Variants in NHSL1 observed in about 807,000 individuals in gnomAD.
NHSL1 encodes the protein NHS like 1.
A neutral mutation model predicts 95.0 loss-of-function variants in NHSL1; 48 were observed. That is an observed-to-expected ratio of 0.51 (90% confidence interval 0.40 to 0.64). The LOEUF (loss-of-function observed/expected upper bound fraction) is 0.64. NHSL1 is among the 30% of genes least tolerant of loss of function. The pLI is 0.00. For missense variants in NHSL1, 1,971 were observed against 2,077.7 expected, an observed-to-expected ratio of 0.95 and a Z score of 1.00; for synonymous variants, 783 against 833.9, an observed-to-expected ratio of 0.94 and a Z score of 1.05.
At position 138,687,308 on chromosome 6, in the gene NHSL1, G is replaced by C. The variant is rs1300093048; in HGVS notation, c.96+5168C>G. Among the ~76,000 whole-genome samples, 4 of 151,910 alleles carry C rather than the reference G, an allele frequency of 2.6e-5. No homozygotes were observed. In the East Asian group the frequency reaches 7.7e-4, roughly 29 times the overall value. On this transcript the variant is annotated intron_variant, in intron 1 of 3. Coordinates refer to the NHSL1 transcript ENST00000491526. ...AAAAAAAAAAGAAGAAGAAGACGAA[G>C]TGCAGTGAACACTCTGTCTTTAGAA...
At chr6:138,502,049 T>C (rs1780710449), upstream of NHSL1, among the ~76,000 whole-genome samples, 1 of 152,222 alleles carries the variant, frequency 6.6e-6, no homozygotes, top group South Asian at 2.1e-4. Flanking sequence ...CCAACTGTAC[T>C]TGGTTACACA....
intron 4 of NHSL1, among the ~76,000 whole-genome samples, chr6:138,444,791 A>C (rs1776755975): frequency 6.6e-6 from 1 of 152,184 alleles, no homozygotes; most frequent in Non-Finnish European, 1.5e-5. Flanking sequence ...TTTTAAATTT[A>C]TTGCTTCTTT....
intron 1 of NHSL1, among the ~76,000 whole-genome samples, chr6:138,583,748 C>T (rs894976208): frequency 8.5e-5 from 13 of 152,146 alleles, no homozygotes; most frequent in Admixed American, 6.5e-5. Flanking sequence ...CTTTGATATT[C>T]CCCCACATAA....
At chr6:138,688,193 C>A (rs898695276) in intron 1 of NHSL1, among the ~76,000 whole-genome samples, 9 of 152,068 alleles carry the variant, frequency 5.9e-5, no homozygotes, top group Non-Finnish European at 1.2e-4. Context: ...CTCAAGTGAT[C>A]GGCCCACCTT....
chr6:138,463,363 G>A (rs78268808), intron 3 of NHSL1, among the ~76,000 whole-genome samples: 1 of 152,044 alleles, frequency 6.6e-6, no homozygotes, highest in African/African-American at 2.4e-5. Flanking sequence ...TAGGTCCTAT[G>A]TGATCTGGTC....
intron 1 of NHSL1, among the ~76,000 whole-genome samples, chr6:138,595,906 T>C (rs1784297188): frequency 6.6e-6 from 1 of 151,920 alleles, no homozygotes. Context: ...GACTCCAACA[T>C]GGCCCGACTT....
At chr6:138,429,607 T>C in intron 7 of NHSL1, 104 bp downstream of exon 7, 1 of 1,035,284 alleles carries the variant, frequency 9.7e-7, no homozygotes, top group Non-Finnish European at 1.4e-6. Flanking sequence ...GGAGTTATGA[T>C]TGGGTGACAG....
intron 1 of NHSL1, among the ~76,000 whole-genome samples, chr6:138,625,544 T>G (rs1784725052): frequency 6.6e-6 from 1 of 151,882 alleles, no homozygotes; most frequent in South Asian, 2.1e-4. Flanking sequence ...TCCTAGACAG[T>G]AGCAATTTTA....
At chr6:138,478,811 CT>C (rs2128256150) in intron 2 of NHSL1, among the ~76,000 whole-genome samples, 1 of 152,304 alleles carries the variant, frequency 6.6e-6, no homozygotes, top group Admixed American at 6.5e-5. Flanking sequence ...TGGTTGTGTC[CT>C]CTAGTTTCCC....
In NHSL1 at chr6:138,433,542, T is replaced by A; in HGVS notation, c.803A>T (p.Asp268Val). The change falls in exon 6 of 8, where the codon GAT becomes GTT. Residue 268 changes from aspartate to valine, a missense_variant. By Grantham distance (152) the Asp-to-Val change is radical. This residue lies in a region of NHSL1 where 1,602 missense variants were observed against 1,654.5 expected (regional missense o/e 0.97). Transcript: ENST00000343505. The part of the protein sequence containing the change: ...ETRDSSCQTE[D>V]VKVVPPSMRR... Reference sequence around the variant, plus strand: ...CATGGAAGGTGGTACGACCTTCACATCCTCCGTCTGACAGCTGGAGTCCCT... The same window carrying A: ...CATGGAAGGTGGTACGACCTTCACAACCTCCGTCTGACAGCTGGAGTCCCT... 2 of 1,551,940 alleles carry A rather than the reference T, an allele frequency of 1.3e-6. No individual in the cohort carries two copies. Among genetic ancestry groups the A allele is most frequent in the Non-Finnish European group, 1.7e-6 (2 of 1,147,050 alleles).
Position 138,433,038 on chromosome 6 carries a change from C to G in NHSL1, c.1307G>C (p.Arg436Pro), listed in dbSNP as rs545343558. The change falls in exon 6 of 8, where the codon CGG becomes CCG. Residue 436 changes from arginine to proline, a missense_variant. Coordinates refer to ENST00000343505, the MANE Select transcript of NHSL1 (RefSeq NM_001144060.2). ...TGATGAGCCAGAACTTTTACTTTCC[C>G]GCTGTCCCGCACTCTGAGCAGTGGG... ...AIPTAQSAGQ[R>P]ESKSSGSSHA... 1.5e-5 allele frequency: 24 copies of G among 1,551,576 alleles called. No homozygotes were observed. The South Asian group carries it at 2.6e-4, about 17-fold the overall frequency.
In NHSL1 at chr6:138,496,313, G is replaced by A. The variant is rs1295667286; in HGVS notation, c.117C>T (p.His39=). The change falls in exon 2 of 8, where the codon CAC becomes CAT. Residue 39 remains histidine (H), a synonymous_variant. Coordinates refer to ENST00000343505, the MANE Select transcript of NHSL1 (RefSeq NM_001144060.2). ...TGGGAAGGAACACATTCTCCTGCTG[G>A]TGCCACGGGGCAGTGTAGTGGACTG... is the stretch of plus-strand genomic sequence containing the variant. ...RWTVHYTAPW[H]QQENVFLPTT... 4.5e-6 allele frequency: 7 copies of A among 1,550,614 alleles called. No homozygotes were observed. The highest frequency in any genetic ancestry group is 3.9e-5 in the Admixed American group (2 of 50,956).
intron 1 of NHSL1, among the ~76,000 whole-genome samples, chr6:138,558,177 C>T (rs1224873929): frequency 6.6e-6 from 1 of 151,904 alleles, no homozygotes; most frequent in Admixed American, 6.6e-5. Flanking sequence ...GGCTGGAGTG[C>T]AGTGGTGCGG....
rs1780554180 is a variant in NHSL1, at chr6:138,499,427, C to G, written c.-137G>C. The G allele has an allele frequency of 5.1e-5, 74 of 1,441,498 alleles. No homozygotes were observed. Among genetic ancestry groups the G allele is most frequent in the Non-Finnish European group, 6.6e-5 (72 of 1,091,410 alleles). 89.3% of individuals were successfully genotyped at this position (1,441,498 alleles called of 1,614,324 possible). A position where few individuals can be genotyped will look rare whatever the true frequency, so the allele number is the denominator to read the frequency against. On this transcript the variant is annotated 5_prime_UTR_variant, in exon 1 of 8. Coordinates refer to ENST00000343505, the MANE Select transcript of NHSL1 (RefSeq NM_001144060.2). ...CGGTCTCATATCCTTAGACATCTGC[C>G]CAGGCTGATGTAACTGAGGTTGAGT...
chr6:138,464,045 T>C, intron 3 of NHSL1: 1 of 395,488 alleles, frequency 2.5e-6, no homozygotes, highest in Non-Finnish European at 4.7e-6. Context: ...TGAATAAATA[T>C]TTACTCAGTA....
At chr6:138,504,668 G>A (rs911877714) in intron 1 of NHSL1, among the ~76,000 whole-genome samples, 1 of 152,310 alleles carries the variant, frequency 6.6e-6, no homozygotes, top group Non-Finnish European at 1.5e-5. Context: ...TGGCAAGGGG[G>A]TCCCTGATGG....
Position 138,423,971 on chromosome 6 carries a change from A to C in NHSL1, c.*110T>G. On this transcript the variant is annotated 3_prime_UTR_variant, in exon 8 of 8. Transcript: ENST00000343505. ...GGCAACCCCGGGGCCCACAGCACAG[A>C]AGCAGAGTGGGCTCCCCGGGTGAGC... 2 of 1,162,382 alleles carry C rather than the reference A, an allele frequency of 1.7e-6. No individual in the cohort carries two copies. Among genetic ancestry groups the C allele is most frequent in the Non-Finnish European group, 2.2e-6 (2 of 912,516 alleles). 72.0% of individuals were successfully genotyped at this position (1,162,382 alleles called of 1,614,324 possible). A position where few individuals can be genotyped will look rare whatever the true frequency, so the allele number is the denominator to read the frequency against.
At chr6:138,504,789 G>A (rs1489875871) in intron 1 of NHSL1, among the ~76,000 whole-genome samples, 1 of 152,130 alleles carries the variant, frequency 6.6e-6, no homozygotes, top group East Asian at 1.9e-4. Context: ...AGAAAATGGT[G>A]CCACAATCCA....
intron 1 of NHSL1, among the ~76,000 whole-genome samples, chr6:138,567,329 G>A (rs112196455): frequency 0.025 from 3,776 of 152,080 alleles, 154 homozygotes; most frequent in African/African-American, 0.086. Context: ...AGGTTTCGTC[G>A]TGTTCCCCAG....
Sources: allele counts gnomAD v4.1 joint callset (sites outside exome capture counted in the v4.1 genomes callset), GRCh38; gene constraint gnomAD v4.1.1; regional missense constraint gnomAD v4.1.1; transcripts MANE v1.5; gene names NCBI Gene and HGNC (gene_info 2026-07-23, HGNC 2026-07-21).